Variants in GALNT2 observed in about 807,000 individuals in gnomAD.
GALNT2 encodes polypeptide N-acetylgalactosaminyltransferase 2.
GALNT2 carries 31 observed loss-of-function variants against 81.4 expected under a neutral mutation model. The ratio of observed to expected loss-of-function variants is 0.38; its 90% CI spans 0.29 to 0.51. The LOEUF is 0.51. GALNT2 is among the 20% of genes least tolerant of loss of function. The probability of loss-of-function intolerance (pLI) is 0.87; values close to 1 mark genes in which losing one functional copy is unlikely to be tolerated. For missense variants in GALNT2, 629 were observed against 765.7 expected (o/e 0.82, Z 2.11); for synonymous variants, 303 against 287.4 (o/e 1.05, Z -0.55).
chr1:230,265,593 C>A (rs962419796), intron 14 of GALNT2, among the ~76,000 whole-genome samples: 2 of 152,212 alleles, frequency 1.3e-5, no homozygotes, highest in Non-Finnish European at 2.9e-5. Context: ...TCGGACCAGG[C>A]TCTGCTGCAG....
intron 3 of GALNT2, among the ~76,000 whole-genome samples, chr1:230,209,716 A>C (rs1038991874): frequency 6.6e-6 from 1 of 152,032 alleles, no homozygotes; most frequent in Non-Finnish European, 1.5e-5. Context: ...AGTGGCTCAC[A>C]CTTGTGGTCC....
intron 7 of GALNT2, among the ~76,000 whole-genome samples, chr1:230,245,368 G>A (rs1665333912): frequency 6.6e-6 from 1 of 152,016 alleles, no homozygotes; most frequent in Non-Finnish European, 1.5e-5. Context: ...GGAGGCTGAG[G>A]CAGTAGAATC....
chr1:230,073,444 T>C (rs1421082114), intron 1 of GALNT2, among the ~76,000 whole-genome samples: 1 of 152,196 alleles, frequency 6.6e-6, no homozygotes, highest in African/African-American at 2.4e-5. Flanking sequence ...TCTAAGCAGG[T>C]GGCACTGTGC....
At position 230,113,422 on chromosome 1, in the gene GALNT2, C is replaced by CT. The variant is rs142317487; in HGVS notation, c.126+46017dup. Among the ~76,000 whole-genome samples, 1,073 of 152,224 alleles carry CT rather than the reference C, an allele frequency of 7.0e-3. 7 individuals carry two copies. The highest frequency in any genetic ancestry group is 0.011 in the Non-Finnish European group (746 of 68,018). On this transcript the variant is annotated intron_variant, in intron 1 of 15. Coordinates refer to ENST00000366672, the MANE Select transcript of GALNT2 (RefSeq NM_004481.5). ...TTATACCTGGAGCTGCAGGGCGGAG[C>CT]TGCTGTCAGCTGGGAGCTGTTATTG...
intron 3 of GALNT2, among the ~76,000 whole-genome samples, chr1:230,223,861 C>T (rs1664627786): frequency 6.6e-6 from 1 of 152,226 alleles, no homozygotes. Flanking sequence ...CTCCACAGAA[C>T]TTAAGCTTTT....
intron 10 of GALNT2, among the ~76,000 whole-genome samples, chr1:230,252,278 C>T (rs1014697372): frequency 1.3e-5 from 2 of 152,244 alleles, no homozygotes; most frequent in African/African-American, 2.4e-5. Context: ...CAGAGAGGCC[C>T]GAGTAAGATC....
At chr1:230,176,661 G>T (rs1003326017) in intron 1 of GALNT2, among the ~76,000 whole-genome samples, 1 of 152,180 alleles carries the variant, frequency 6.6e-6, no homozygotes, top group African/African-American at 2.4e-5. Context: ...TTCTCTCACC[G>T]TTGCCTATCT....
chr1:230,265,453 A>G (rs1404351337), intron 14 of GALNT2, 86 bp downstream of exon 14: 7 of 1,574,276 alleles, frequency 4.4e-6, no homozygotes, highest in African/African-American at 1.3e-5. Flanking sequence ...CCCAGCTGCC[A>G]CCTTTCTCCT....
At chr1:230,098,223 C>T (rs1245821752) in intron 1 of GALNT2, among the ~76,000 whole-genome samples, 1 of 152,102 alleles carries the variant, frequency 6.6e-6, no homozygotes, top group Non-Finnish European at 1.5e-5. Context: ...AAACATTGTA[C>T]TCCTGTGGAA....
intron 11 of GALNT2, 46 bp from the exon 12 acceptor site, chr1:230,262,527 G>T (rs765608457): frequency 1.3e-6 from 2 of 1,531,674 alleles, no homozygotes; most frequent in Non-Finnish European, 1.8e-6. Context: ...GAGTGATGCA[G>T]ACAGAAAGAA....
In GALNT2 at chr1:230,077,258, G is replaced by A. The variant is rs558340717; in HGVS notation, c.126+9852G>A. Among the ~76,000 whole-genome samples, 5 of 152,234 alleles carry A rather than the reference G, an allele frequency of 3.3e-5. No individual in the cohort carries two copies. In the East Asian group the frequency reaches 9.7e-4, roughly 29 times the overall value. ...GCTTTTGCTCTGTGACCTTCAAAAG[G>A]CCTGCCCTGCCGCACTCTCCTTCCC... On this transcript the variant is annotated intron_variant, in intron 1 of 15. Transcript: ENST00000366672.
At chr1:230,127,537 A>G (rs1402719546) in intron 1 of GALNT2, among the ~76,000 whole-genome samples, 17 of 150,592 alleles carry the variant, frequency 1.1e-4, no homozygotes, top group African/African-American at 4.0e-4. Context: ...CACCATGCGC[A>G]GCTAATTTTT....
chr1:230,225,309 T>C (rs1286950191), intron 3 of GALNT2, among the ~76,000 whole-genome samples: 1 of 152,222 alleles, frequency 6.6e-6, no homozygotes, highest in Admixed American at 6.5e-5. Flanking sequence ...GTAGACACCA[T>C]AGCAACACAT....
rs1010122548 is a variant in GALNT2 at position 230,214,291 on chromosome 1, T to C, written c.374+11001T>C. On this transcript the variant is annotated intron_variant, in intron 3 of 15. Transcript: ENST00000366672. ...CCATACCTGGCCAATTTTGTATTTT[T>C]AGTAGAGACTAGGCTTCACCATGTT... is the stretch of plus-strand genomic sequence containing the variant. Among the ~76,000 whole-genome samples the C allele has an allele frequency of 5.9e-5, 9 of 152,228 alleles. No homozygotes were observed. The South Asian group carries it at 8.3e-4, about 14-fold the overall frequency.
In GALNT2 at chr1:230,271,698, G is replaced by C. The variant is rs1281521834; in HGVS notation, c.1441-2747G>C. Among the ~76,000 whole-genome samples, 1 of 152,266 alleles carries C rather than the reference G, an allele frequency of 6.6e-6. No homozygotes were observed. Among genetic ancestry groups the C allele is most frequent in the Non-Finnish European group, 1.5e-5 (1 of 68,054 alleles). On this transcript the variant is annotated intron_variant, in intron 14 of 15. Transcript: ENST00000366672. The surrounding 1 kb of genome is among the most constrained non-coding windows in gnomAD (Gnocchi z 4.2). ...TTCATTAGGAAAGACTGAAACCCAGGAGCAGCTGGACGGGAGAGATGCATA... is the reference window on the plus strand; with the variant it reads ...TTCATTAGGAAAGACTGAAACCCAGCAGCAGCTGGACGGGAGAGATGCATA...
chr1:230,176,119 C>T (rs1662971439), intron 1 of GALNT2, among the ~76,000 whole-genome samples: 1 of 152,054 alleles, frequency 6.6e-6, no homozygotes, highest in Non-Finnish European at 1.5e-5. Context: ...ACTCACCCTG[C>T]ACTAGTTTTA....
In GALNT2 at chr1:230,182,877, T is replaced by C. The variant is rs577391239; in HGVS notation, c.220+4566T>C. Among the ~76,000 whole-genome samples the C allele has an allele frequency of 1.6e-4, 25 of 152,334 alleles. No homozygotes were observed. The South Asian group carries it at 4.6e-3, about 28-fold the overall frequency. ...TGAGTTCATTTATTTCTCCTTGCAG[T>C]TCTATCTATCATGAACTGCATGGAC... is the stretch of plus-strand genomic sequence containing the variant. On this transcript the variant is annotated intron_variant, in intron 2 of 15. Transcript: ENST00000366672.
intron 1 of GALNT2, among the ~76,000 whole-genome samples, chr1:230,075,940 G>A (rs1408845693): frequency 6.6e-6 from 1 of 152,122 alleles, no homozygotes; most frequent in Non-Finnish European, 1.5e-5. Context: ...CTCTTTTTCG[G>A]TGATCTCTCT....
intron 1 of GALNT2, among the ~76,000 whole-genome samples, chr1:230,132,498 C>G (rs924923045): frequency 6.6e-6 from 1 of 152,188 alleles, no homozygotes; most frequent in African/African-American, 2.4e-5. Context: ...CTAGTTGGGT[C>G]TGTCTCTTCC....
Sources: allele counts gnomAD v4.1 joint callset (sites outside exome capture counted in the v4.1 genomes callset), GRCh38; gene constraint gnomAD v4.1.1; non-coding constraint Gnocchi (gnomAD v3.1); transcripts MANE v1.5; gene names NCBI Gene and HGNC (gene_info 2026-07-23, HGNC 2026-07-21).